Variants in SLC66A2 observed in about 807,000 individuals in gnomAD.
The protein encoded by SLC66A2 is PQ loop repeat containing 1.
In SLC66A2, 23 loss-of-function variants were observed where a neutral mutation model predicts 25.5. The ratio of observed to expected loss-of-function variants is 0.90; its 90% confidence interval spans 0.65 to 1.28. The LOEUF (loss-of-function observed/expected upper bound fraction) is 1.28. Among genes scored for constraint, SLC66A2 ranks in the 50% most tolerant of loss-of-function variants. The pLI, the probability that SLC66A2 is intolerant of heterozygous loss-of-function variation, is 0.00. For missense variants in SLC66A2, 396 were observed against 373.1 expected (o/e 1.06, Z -0.51); for synonymous variants, 193 against 166.5 (o/e 1.16, Z -1.23).
intron 2 of SLC66A2, among the ~76,000 whole-genome samples, chr18:79,946,527 C>T (rs543381967): frequency 1.4e-4 from 21 of 152,348 alleles, no homozygotes; most frequent in Non-Finnish European, 2.1e-4. Flanking sequence ...GCCTGCTCCT[C>T]GGGAAGCACC....
rs539899520 is a variant in SLC66A2, at chr18:79,950,836, C to T, written c.91G>A (p.Val31Met). ...AAAAMVFGGV[V>M]PYVPQYRDIR... Reference sequence around the variant, plus strand: ...TCCCGATACTGCGGGACGTAGGGCACCACCCCTCCGAAGACCATGGCCGCG... The same window carrying T: ...TCCCGATACTGCGGGACGTAGGGCATCACCCCTCCGAAGACCATGGCCGCG... The change falls in exon 2 of 6, where the codon GTG (valine) becomes ATG (methionine). Residue 31 changes from valine to methionine, a missense_variant. By Grantham distance (21) the Val-to-Met change is conservative. Transcript: ENST00000397778. 32 of 1,612,348 alleles carry T rather than the reference C, an allele frequency of 2.0e-5. No homozygotes were observed. Among genetic ancestry groups the T allele is most frequent in the Admixed American group, 5.0e-5 (3 of 59,954 alleles).
At chr18:79,951,462 CG>C in intron 1 of SLC66A2, 118 bp downstream of exon 1, 2 of 153,030 alleles carry the variant, frequency 1.3e-5, no homozygotes, top group Admixed American at 6.5e-5. Flanking sequence ...GGTGCCGGGC[CG>C]GGGACCCCAC....
Position 79,904,461 on chromosome 18 carries a change from T to C in SLC66A2, c.609-278A>G, listed in dbSNP as rs1981741038. ...CACCTGTCCCATGCAACCCCCACCC[T>C]TGACTTCTCTGTGGCCGCAAGAGCT... On this transcript the variant is annotated intron_variant, in intron 5 of 5. Transcript: ENST00000397778. This position sits in a 1 kb window ranked among gnomAD's most constrained non-coding sequence, Gnocchi z 6.3. 6.6e-6 allele frequency among the ~76,000 whole-genome samples: 1 copy of C among 152,072 alleles called. No individual in the cohort carries two copies. Among genetic ancestry groups the C allele is most frequent in the Non-Finnish European group, 1.5e-5 (1 of 67,968 alleles).
Position 79,911,878 on chromosome 18 carries a change from G to A in SLC66A2, c.608+7306C>T, listed in dbSNP as rs1172014708. Among the ~76,000 whole-genome samples, 6 of 133,924 alleles carry A rather than the reference G, an allele frequency of 4.5e-5. No individual in the cohort carries two copies. In the South Asian group the frequency reaches 1.6e-3, roughly 36 times the overall value. The allele number at this position is 133,924 out of a possible 152,430, so 87.9% of individuals were successfully genotyped here. ...ACAGTAGCAGGAGGAGATGGCAGCAGGGAGGGGACAGGAGCAGGAAGGGGA... is the reference window on the plus strand; with the variant it reads ...ACAGTAGCAGGAGGAGATGGCAGCAAGGAGGGGACAGGAGCAGGAAGGGGA... On this transcript the variant is annotated intron_variant, in intron 5 of 5. Transcript: ENST00000397778.
chr18:79,916,657 A>G (rs1383577861), intron 5 of SLC66A2, among the ~76,000 whole-genome samples: 1 of 152,254 alleles, frequency 6.6e-6, no homozygotes, highest in Non-Finnish European at 1.5e-5. Context: ...GAGAGTGAAC[A>G]GGAGCTCATC....
rs560348493 is a variant in SLC66A2 at position 79,904,562 on chromosome 18, G to A, written c.609-379C>T. The stretch of plus-strand genomic sequence containing the variant: ...GCTACAGGGGACAGCAGGGCGAGCA[G>A]CTGACGTCAGGGCCCCTGGTGCGCG... On this transcript the variant is annotated intron_variant, in intron 5 of 5. Transcript: ENST00000397778. The surrounding 1 kb of genome is among the most constrained non-coding windows in gnomAD (Gnocchi z 6.3). 7.0e-4 allele frequency among the ~76,000 whole-genome samples: 107 copies of A among 152,270 alleles called. 1 individual carries two copies. Among genetic ancestry groups the A allele is most frequent in the African/African-American group, 2.4e-3 (98 of 41,544 alleles).
rs887160798 is a variant in SLC66A2 at position 79,917,745 on chromosome 18, C to G, written c.608+1439G>C. 6.6e-6 allele frequency among the ~76,000 whole-genome samples: 1 copy of G among 151,978 alleles called. No homozygotes were observed. Among genetic ancestry groups the G allele is most frequent in the South Asian group, 2.1e-4 (1 of 4,832 alleles). ...ATGGACACCCTCTCGGGCCTCCATG[C>G]ACCCTCGCCCGAGAAACCCCAGCAA... is the stretch of plus-strand genomic sequence containing the variant. On this transcript the variant is annotated intron_variant, in intron 5 of 5. Coordinates refer to ENST00000397778, the MANE Select transcript of SLC66A2 (RefSeq NM_025078.5). The surrounding 1 kb of genome is among the most constrained non-coding windows in gnomAD (Gnocchi z 6.0).
At chr18:79,913,315 G>A (rs73971199) in intron 5 of SLC66A2, among the ~76,000 whole-genome samples, 8,360 of 152,150 alleles carry the variant, frequency 0.055, 274 homozygotes, top group African/African-American at 0.068. Context: ...ACGCACCCCC[G>A]CTGCCCTCAT....
At chr18:79,905,755 G>A (rs910800112) in intron 5 of SLC66A2, among the ~76,000 whole-genome samples, 5 of 152,214 alleles carry the variant, frequency 3.3e-5, no homozygotes, top group African/African-American at 9.6e-5. Context: ...CCACCACCAC[G>A]CCTGCTTCAG....
intron 4 of SLC66A2, among the ~76,000 whole-genome samples, chr18:79,928,052 G>A (rs1419382837): frequency 6.6e-6 from 1 of 152,202 alleles, no homozygotes; most frequent in Non-Finnish European, 1.5e-5. Context: ...GGCACCCAAC[G>A]GTGGACAGGT....
chr18:79,931,257 T>C (rs776897775), intron 4 of SLC66A2, among the ~76,000 whole-genome samples: 2 of 152,016 alleles, frequency 1.3e-5, no homozygotes, highest in Non-Finnish European at 2.9e-5. Flanking sequence ...AACAATCAAA[T>C]CAAAGGGCAG....
intron 5 of SLC66A2, among the ~76,000 whole-genome samples, chr18:79,909,672 A>G (rs1982676713): frequency 9.7e-6 from 1 of 102,834 alleles, no homozygotes; most frequent in Admixed American, 1.2e-4. Flanking sequence ...AACCTTCCCC[A>G]CCATCTCACA....
chr18:79,933,835 G>T, intron 4 of SLC66A2, 134 bp downstream of exon 4: 61 of 640,400 alleles, frequency 9.5e-5, no homozygotes, highest in East Asian at 2.4e-4. Context: ...TGATTAGTTT[G>T]CTGTAGACTC....
chr18:79,911,641 C>T (rs751219599), intron 5 of SLC66A2, among the ~76,000 whole-genome samples: 22 of 152,224 alleles, frequency 1.4e-4, no homozygotes, highest in Non-Finnish European at 2.5e-4. Context: ...CCGGGACGCT[C>T]TGTCAGAGAA....
intron 3 of SLC66A2, 110 bp downstream of exon 3, chr18:79,943,219 G>A: frequency 7.5e-7 from 1 of 1,340,714 alleles, no homozygotes; most frequent in Non-Finnish European, 1.0e-6. Flanking sequence ...AGCACCACTT[G>A]GTGAAATGAA....
chr18:79,933,883 G>A (rs762259154), intron 4 of SLC66A2, 86 bp downstream of exon 4: 13 of 1,225,110 alleles, frequency 1.1e-5, no homozygotes, highest in Non-Finnish European at 1.3e-5. Flanking sequence ...CACATGCACA[G>A]ATGGAAGCAA....
chr18:79,938,923 A>C (rs1393123722), intron 3 of SLC66A2, among the ~76,000 whole-genome samples: 1 of 152,122 alleles, frequency 6.6e-6, no homozygotes, highest in Non-Finnish European at 1.5e-5. Context: ...TGATCCGCCC[A>C]CCTCGGCCTC....
intron 2 of SLC66A2, among the ~76,000 whole-genome samples, chr18:79,948,313 C>G (rs2051001481): frequency 6.6e-6 from 1 of 152,228 alleles, no homozygotes; most frequent in Non-Finnish European, 1.5e-5. Flanking sequence ...GGGTTAATCT[C>G]TGACTTCTCC....
chr18:79,916,340 T>C (rs1223153672), intron 5 of SLC66A2, among the ~76,000 whole-genome samples: 4 of 151,234 alleles, frequency 2.6e-5, no homozygotes, highest in African/African-American at 9.7e-5. Context: ...AGTGCTTCTG[T>C]AGCTCTTGTC....
Sources: allele counts gnomAD v4.1 joint callset (sites outside exome capture counted in the v4.1 genomes callset), GRCh38; gene constraint gnomAD v4.1.1; non-coding constraint Gnocchi (gnomAD v3.1); transcripts MANE v1.5; gene names NCBI Gene and HGNC (gene_info 2026-07-23, HGNC 2026-07-21).